The following ADCY5 variants were observed in gnomAD, a reference collection of about 807,000 sequenced individuals.
The protein encoded by ADCY5 is adenylate cyclase type 5.
In ADCY5, 30 loss-of-function variants were observed where a neutral mutation model predicts 119.7. The observed-to-expected ratio is 0.25, with a 90% CI of 0.19 to 0.34. The LOEUF (loss-of-function observed/expected upper bound fraction) is 0.34. Among genes scored for constraint, ADCY5 ranks in the 10% least tolerant of loss-of-function variants. The pLI is 1.00. For synonymous variants in ADCY5, 753 were observed against 762.2 expected, an observed-to-expected ratio of 0.99 and a Z score of 0.20; for missense variants, 1,324 against 1,775.2, an observed-to-expected ratio of 0.75 and a Z score of 4.57.
intron 3 of ADCY5, among the ~76,000 whole-genome samples, chr3:123,343,842 G>C (rs1184479344): frequency 6.6e-6 from 1 of 152,160 alleles, no homozygotes; most frequent in Non-Finnish European, 1.5e-5. Context: ...GGCTCCAGCT[G>C]ACCCCCCGCC....
intron 4 of ADCY5, among the ~76,000 whole-genome samples, chr3:123,331,247 T>C (rs1941749061): frequency 6.6e-6 from 1 of 152,174 alleles, no homozygotes; most frequent in South Asian, 2.1e-4. Flanking sequence ...CTGAGCGGCA[T>C]TCCAGCTCCC....
intron 9 of ADCY5, among the ~76,000 whole-genome samples, chr3:123,320,235 G>C (rs1941146796): frequency 6.6e-6 from 1 of 152,212 alleles, no homozygotes; most frequent in South Asian, 2.1e-4. Flanking sequence ...TTCTGCCACA[G>C]GGACTGTGGC....
intron 1 of ADCY5, among the ~76,000 whole-genome samples, chr3:123,378,077 G>T (rs890309216): frequency 6.6e-6 from 1 of 152,112 alleles, no homozygotes; most frequent in African/African-American, 2.4e-5. Context: ...TCTGAACAAA[G>T]CTAATAACCA....
At chr3:123,423,572 G>A (rs1186269490) in intron 1 of ADCY5, among the ~76,000 whole-genome samples, 2 of 152,076 alleles carry the variant, frequency 1.3e-5, no homozygotes, top group Non-Finnish European at 2.9e-5. Flanking sequence ...TGCAATACCC[G>A]TTTCTGTCCT....
chr3:123,353,754 C>T (rs181611102), intron 1 of ADCY5, among the ~76,000 whole-genome samples: 1,828 of 152,304 alleles, frequency 0.012, 17 homozygotes, highest in Non-Finnish European at 0.018. Flanking sequence ...ATGACTCCTA[C>T]GCTCTTCTCT....
Position 123,407,359 on chromosome 3 carries a change from ATAAATGAAATGTGC to A in ADCY5, c.1134+40039_1134+40052del, listed in dbSNP as rs145507338. The stretch of plus-strand genomic sequence containing the variant: ...TGGTCATCAAAAAGAATGGGATCAG[ATAAATGAAATGTGC>A]TCTAGCTATAAAATGGAATATTATT... On this transcript the variant is annotated intron_variant, in intron 1 of 20. Coordinates refer to ENST00000462833, the MANE Select transcript of ADCY5 (RefSeq NM_183357.3). Among the ~76,000 whole-genome samples, 680 of 152,328 alleles carry A rather than the reference ATAAATGAAATGTGC, an allele frequency of 4.5e-3. 1 individual carries two copies. The highest frequency in any genetic ancestry group is 7.4e-3 in the Non-Finnish European group (504 of 68,034).
At chr3:123,412,480 A>T (rs1330575044) in intron 1 of ADCY5, among the ~76,000 whole-genome samples, 6 of 152,154 alleles carry the variant, frequency 3.9e-5, no homozygotes, top group African/African-American at 1.2e-4. Flanking sequence ...GGCTGCAGGG[A>T]TGGTTTGGGA....
chr3:123,369,258 T>C (rs1943554774), intron 1 of ADCY5, among the ~76,000 whole-genome samples: 1 of 152,230 alleles, frequency 6.6e-6, no homozygotes, highest in Non-Finnish European at 1.5e-5. Flanking sequence ...AGGCCCTCGC[T>C]AGGTGCTGTC....
intron 17 of ADCY5, among the ~76,000 whole-genome samples, chr3:123,292,071 C>T (rs985802540): frequency 3.3e-5 from 5 of 152,220 alleles, no homozygotes; most frequent in Admixed American, 2.0e-4. Flanking sequence ...GCAGATCCCT[C>T]GGGTCAAGAG....
chr3:123,367,840 A>G, intron 1 of ADCY5: 2 of 1,520,172 alleles, frequency 1.3e-6, no homozygotes, highest in South Asian at 2.5e-5. Flanking sequence ...TTAGGTCAGC[A>G]GAATCCAGAA....
intron 8 of ADCY5, among the ~76,000 whole-genome samples, chr3:123,321,244 G>C (rs1941203876): frequency 6.6e-6 from 1 of 152,024 alleles, no homozygotes. Flanking sequence ...AAATCCCCAG[G>C]AGTTCGCACA....
At chr3:123,295,871 G>C (rs889851428) in intron 17 of ADCY5, among the ~76,000 whole-genome samples, 5 of 152,246 alleles carry the variant, frequency 3.3e-5, no homozygotes, top group African/African-American at 1.2e-4. Context: ...TCTGCACAGA[G>C]TAAGTCCCAG....
At chr3:123,319,514 G>A (rs1390971682) in intron 10 of ADCY5, among the ~76,000 whole-genome samples, 160 bp downstream of exon 10, 1 of 152,144 alleles carries the variant, frequency 6.6e-6, no homozygotes, top group East Asian at 1.9e-4. Flanking sequence ...AGCCTCCCTA[G>A]AACTCGCATC....
intron 15 of ADCY5, among the ~76,000 whole-genome samples, chr3:123,298,830 C>CTTTTTTTTTTTTT (rs35856404): frequency 5.9e-5 from 6 of 102,526 alleles, no homozygotes; most frequent in African/African-American, 1.1e-4. Flanking sequence ...AAAACTGTCA[C>CTTTTTTTTTTTTT]TTTTTTTTTT....
intron 19 of ADCY5, among the ~76,000 whole-genome samples, chr3:123,289,462 C>T (rs1370819909): frequency 6.6e-6 from 1 of 152,264 alleles, no homozygotes; most frequent in Non-Finnish European, 1.5e-5. Context: ...ACCAGGCCGG[C>T]CCTGCATCTG....
intron 17 of ADCY5, among the ~76,000 whole-genome samples, chr3:123,292,872 G>A (rs1299539117): frequency 2.0e-5 from 3 of 152,056 alleles, no homozygotes; most frequent in Admixed American, 1.3e-4. Context: ...GATGCCAGAA[G>A]CACTACAGCT....
intron 1 of ADCY5, among the ~76,000 whole-genome samples, chr3:123,387,440 T>A (rs6764842): frequency 0.48 from 72,592 of 151,960 alleles, 18,143 homozygotes; most frequent in East Asian, 0.68. Context: ...TCCATTGACT[T>A]GGGAGTAGGT....
chr3:123,422,108 C>T (rs1321421938), intron 1 of ADCY5, among the ~76,000 whole-genome samples: 1 of 152,198 alleles, frequency 6.6e-6, no homozygotes, highest in East Asian at 1.9e-4. Context: ...ACTGTGCAGG[C>T]ACTGGGACTG....
At chr3:123,338,511 ACT>A (rs907484805) in intron 3 of ADCY5, among the ~76,000 whole-genome samples, 1 of 152,158 alleles carries the variant, frequency 6.6e-6, no homozygotes, top group African/African-American at 2.4e-5. Flanking sequence ...CCCCGGAGTA[ACT>A]CTGAAGGCCA....
Sources: allele counts gnomAD v4.1 joint callset (sites outside exome capture counted in the v4.1 genomes callset), GRCh38; gene constraint gnomAD v4.1.1; transcripts MANE v1.5; gene names NCBI Gene and HGNC (gene_info 2026-07-23, HGNC 2026-07-21).